FAM220A: variants seen among roughly 807,000 people sequenced by gnomAD.
The protein encoded by FAM220A is family with sequence similarity 220 member A.
For missense variants in FAM220A, 392 were observed against 321.6 expected, an observed-to-expected ratio of 1.22 and a Z score of -1.68; for synonymous variants, 141 against 130.7, an observed-to-expected ratio of 1.08 and a Z score of -0.54.
At chr7:6,340,257 A>G (rs1781825383) in intron 1 of FAM220A, among the ~76,000 whole-genome samples, 2 of 152,140 alleles carry the variant, frequency 1.3e-5, no homozygotes, top group Non-Finnish European at 2.9e-5. Flanking sequence ...TTCTCTGACT[A>G]GCATCCTAAG....
At position 6,330,893 on chromosome 7, in the gene FAM220A, C is replaced by T. The variant is rs1456066918; in HGVS notation, c.262G>A (p.Glu88Lys). 2.5e-6 allele frequency: 4 copies of T among 1,614,082 alleles called. No homozygotes were observed. The highest frequency in any genetic ancestry group is 1.7e-5 in the Admixed American group (1 of 59,984). Residue 88 changes from glutamate to lysine, a missense_variant, in exon 2 of 2, where the codon GAA (glutamate) becomes AAA (lysine). By Grantham distance (56) the Glu-to-Lys change is moderately conservative (BLOSUM62 1). Coordinates refer to ENST00000313324, the MANE Select transcript of FAM220A (RefSeq NM_001037163.2). Reference sequence around the variant, plus strand: ...GAGGCTGGATTTCTTCTTACTGATTCTCTCACATATGGAAGCACTGGGCCG... The same window carrying T: ...GAGGCTGGATTTCTTCTTACTGATTTTCTCACATATGGAAGCACTGGGCCG... ...SGGPVLPYVR[E>K]SVRRNPASAA...
Sources: gnomAD v4.1 joint callset for allele counts (sites outside exome capture counted in the v4.1 genomes callset) on GRCh38, gnomAD v4.1.1 for gene constraint, MANE v1.5 for transcripts, NCBI Gene and HGNC (gene_info 2026-07-23, HGNC 2026-07-21) for gene names.